Variants in SLC5A11 observed in about 807,000 individuals in gnomAD.
SLC5A11 encodes sodium/myo-inositol cotransporter 2.
Under a neutral mutation model 69.8 loss-of-function variants are expected in SLC5A11, and 48 were observed. That is an observed-to-expected ratio of 0.69 (90% CI 0.55 to 0.87). The LOEUF is 0.87. Among genes scored for constraint, SLC5A11 ranks in the 40% least tolerant of loss-of-function variants. The probability of loss-of-function intolerance (pLI) is 0.00; values close to 1 mark genes in which losing one functional copy is unlikely to be tolerated. For missense variants in SLC5A11, 784 were observed against 866.1 expected (o/e 0.91, Z 1.19); for synonymous variants, 319 against 342.4 (o/e 0.93, Z 0.75).
chr16:24,875,647 C>T, exon 6 of SLC5A11: 1 of 1,613,792 alleles, frequency 6.2e-7, no homozygotes, highest in Non-Finnish European at 8.5e-7. Context: ...TGCCAGAATA[C>T]CTACGGAAGC....
rs146250490 is a variant in SLC5A11 at position 24,874,711 on chromosome 16, C to T, written c.373-916C>T. Among the ~76,000 whole-genome samples the T allele has an allele frequency of 1.5e-3, 228 of 152,178 alleles. 2 individuals carry two copies. The highest frequency in any genetic ancestry group is 2.9e-3 in the Non-Finnish European group (200 of 68,004). On this transcript the variant is annotated intron_variant, in intron 5 of 15. Transcript: ENST00000347898. ...TCCGTCCCCCACCACACACACACTG[C>T]CCCAGTAGCTGGGACTACAGCCACC...
chr16:24,902,013 G>A (rs1362343244), intron 10 of SLC5A11, among the ~76,000 whole-genome samples: 1 of 151,634 alleles, frequency 6.6e-6, no homozygotes, highest in Non-Finnish European at 1.5e-5. Context: ...TCAGGAGGCT[G>A]AAGTGGGAGA....
At chr16:24,862,660 G>T (rs2046649909) in exon 3 of SLC5A11, 4 of 1,613,326 alleles carry the variant, frequency 2.5e-6, no homozygotes, top group Admixed American at 1.7e-5. Context: ...GAGGGGACAT[G>T]GTGTGGTGGC....
intron 5 of SLC5A11, among the ~76,000 whole-genome samples, chr16:24,874,185 T>A (rs1186945737): frequency 1.3e-5 from 2 of 152,188 alleles, no homozygotes; most frequent in Admixed American, 1.3e-4. Context: ...TGCTATGCGG[T>A]ATCGTGTAGT....
intron 3 of SLC5A11, 74 bp downstream of exon 4, chr16:24,862,746 A>G (rs75496320): frequency 2.2e-4 from 308 of 1,372,360 alleles, no homozygotes; most frequent in Non-Finnish European, 2.8e-4. Context: ...CCAGCCTTTG[A>G]TATCTCAGGA....
chr16:24,857,552 C>A (rs1197707183), intron 1 of SLC5A11, among the ~76,000 whole-genome samples: 2 of 152,162 alleles, frequency 1.3e-5, no homozygotes, highest in African/African-American at 2.4e-5. Flanking sequence ...ATTAATTTGC[C>A]TTTTCCAGTT....
rs558185558 is a variant in SLC5A11 at position 24,864,604 on chromosome 16, G to A, written c.207+1932G>A. Among the ~76,000 whole-genome samples, 267 of 152,172 alleles carry A rather than the reference G, an allele frequency of 1.8e-3. 1 individual carries two copies. Among genetic ancestry groups the A allele is most frequent in the African/African-American group, 6.3e-3 (263 of 41,498 alleles). On this transcript the variant is annotated intron_variant, in intron 3 of 15. Coordinates refer to ENST00000347898, the Ensembl canonical transcript of SLC5A11. ...TTATAAGGCATGCAAAAAAACCCAA[G>A]AAAGTATGGTCCATACACAGGGGAG...
intron 8 of SLC5A11, among the ~76,000 whole-genome samples, chr16:24,889,146 C>T (rs553413074): frequency 3.6e-4 from 55 of 151,846 alleles, no homozygotes; most frequent in African/African-American, 1.3e-3. Context: ...GCAAATCAAA[C>T]CAAGAAAAAA....
intron 6 of SLC5A11, among the ~76,000 whole-genome samples, chr16:24,876,476 A>C (rs1312288144): frequency 6.6e-6 from 1 of 152,206 alleles, no homozygotes; most frequent in East Asian, 1.9e-4. Flanking sequence ...GTGGCAAAGA[A>C]CAGGTGTATT....
In SLC5A11 at chr16:24,905,638, G is replaced by GCA. The variant is rs1392232947; in HGVS notation, c.1007-1018_1007-1017insAC. On this transcript the variant is annotated intron_variant, in intron 10 of 15. Transcript: ENST00000347898. ...CCCCATCTCAAAAACACGCGCGCGC[G>GCA]CGCACACACACACACACACACACAC... is the stretch of plus-strand genomic sequence containing the variant. 3.4e-3 allele frequency among the ~76,000 whole-genome samples: 237 copies of GCA among 70,284 alleles called. 1 individual carries two copies. Among genetic ancestry groups the GCA allele is most frequent in the Non-Finnish European group, 7.2e-3 (197 of 27,336 alleles). The allele number at this position is 70,284 out of a possible 152,430, so 46.1% of individuals were successfully genotyped here.
In SLC5A11 at chr16:24,858,253, C is replaced by T. The variant is rs543103265; in HGVS notation, c.-24-367C>T. On this transcript the variant is annotated intron_variant, in intron 1 of 15. Transcript: ENST00000347898. ...AATTGTTGACTTGACTCTCACCCAG[C>T]TGTGAGGTACCACGGAAGTGGAGAC... Among the ~76,000 whole-genome samples, 9 of 152,342 alleles carry T rather than the reference C, an allele frequency of 5.9e-5. No homozygotes were observed. In the East Asian group the frequency reaches 1.5e-3, roughly 26 times the overall value.
At chr16:24,853,898 C>T (rs1596962035) in intron 1 of SLC5A11, among the ~76,000 whole-genome samples, 5 of 152,336 alleles carry the variant, frequency 3.3e-5, no homozygotes, top group Admixed American at 3.3e-4. Flanking sequence ...GAGGGTTCCT[C>T]CTGGGATCCT....
rs768880739 is a variant in SLC5A11 at position 24,906,779 on chromosome 16, C to CA, written c.1114+15_1114+16insA. Reference sequence around the variant, plus strand: ...CCTGCCCACAGGTAATGTCCCTTCACTCCTGAATCAAGTCCCCTGGAGCAC... The same window carrying CA: ...CCTGCCCACAGGTAATGTCCCTTCACATCCTGAATCAAGTCCCCTGGAGCAC... On this transcript the variant is annotated intron_variant, in intron 11 of 15. Transcript: ENST00000347898. The CA allele has an allele frequency of 1.9e-6, 3 of 1,599,492 alleles. No individual in the cohort carries two copies. The highest frequency in any genetic ancestry group is 1.7e-6 in the Non-Finnish European group (2 of 1,169,850).
chr16:24,850,860 G>C (rs2059271176), intron 1 of SLC5A11, among the ~76,000 whole-genome samples: 1 of 151,558 alleles, frequency 6.6e-6, no homozygotes, highest in Non-Finnish European at 1.5e-5. Flanking sequence ...ACCCAGGCTA[G>C]AGTGCAGTGG....
At chr16:24,859,475 A>G (rs908893121) in intron 2 of SLC5A11, among the ~76,000 whole-genome samples, 1 of 152,160 alleles carries the variant, frequency 6.6e-6, no homozygotes, top group Non-Finnish European at 1.5e-5. Flanking sequence ...ATACAGTCAC[A>G]TGGCTCACAA....
intron 12 of SLC5A11, 66 bp downstream of exon 13, chr16:24,907,241 T>C (rs573862331): frequency 6.3e-7 from 1 of 1,581,254 alleles, no homozygotes; most frequent in East Asian, 2.2e-5. Flanking sequence ...AGAGGCAAAG[T>C]CCAGGTTCAG....
At chr16:24,849,712 C>T (rs575930439) in intron 1 of SLC5A11, among the ~76,000 whole-genome samples, 1 of 146,816 alleles carries the variant, frequency 6.8e-6, no homozygotes, top group African/African-American at 2.5e-5. Context: ...AATAATGAGA[C>T]AAGATCATCC....
intron 3 of SLC5A11, among the ~76,000 whole-genome samples, chr16:24,865,592 GT>G (rs201881135): frequency 1.3e-5 from 2 of 152,034 alleles, no homozygotes; most frequent in African/African-American, 4.8e-5. Context: ...TTATCAGCTG[GT>G]TTTTTCATCA....
rs373788820 is a variant in SLC5A11, at chr16:24,907,954, C to T, written c.1266-9C>T. The T allele has an allele frequency of 1.9e-4, 302 of 1,613,660 alleles. No individual in the cohort carries two copies. In the African/African-American group the frequency reaches 2.4e-3, roughly 13 times the overall value. Reference sequence around the variant, plus strand: ...GATGCTAATTTGTGCCTCTCGCCGCCGGCACCAGGGTGTTTGTGCTGCTGC... The same window carrying T: ...GATGCTAATTTGTGCCTCTCGCCGCTGGCACCAGGGTGTTTGTGCTGCTGC... On this transcript the variant is annotated splice_polypyrimidine_tract_variant and intron_variant, in intron 12 of 15. Transcript: ENST00000347898.
Sources: allele counts gnomAD v4.1 joint callset (sites outside exome capture counted in the v4.1 genomes callset), GRCh38; gene constraint gnomAD v4.1.1; transcripts MANE v1.5; gene names NCBI Gene and HGNC (gene_info 2026-07-23, HGNC 2026-07-21).